Variants in ADAM9 observed in about 807,000 individuals in gnomAD.
The protein encoded by ADAM9 is ADAM metallopeptidase domain 9, also known as disintegrin and metalloproteinase domain-containing protein 9.
ADAM9 carries 54 observed loss-of-function variants against 108.1 expected under a neutral mutation model. That is an observed-to-expected ratio of 0.50 (90% CI 0.40 to 0.63). The LOEUF is 0.63. Among genes scored for constraint, ADAM9 ranks in the 20% least tolerant of loss-of-function variants. ADAM9 has a pLI of 0.00. For missense variants in ADAM9, 830 were observed against 997.7 expected (o/e 0.83, Z 2.26); for synonymous variants, 316 against 336.0 (o/e 0.94, Z 0.65).
chr8:39,004,468 G>A (rs1265928987), intron 1 of ADAM9, among the ~76,000 whole-genome samples: 2 of 152,174 alleles, frequency 1.3e-5, no homozygotes, highest in East Asian at 3.9e-4. Flanking sequence ...TCCTGCCTTG[G>A]CCTCCCAAAG....
intron 16 of ADAM9, among the ~76,000 whole-genome samples, chr8:39,080,274 C>T (rs1838979973): frequency 6.6e-6 from 1 of 152,072 alleles, no homozygotes; most frequent in South Asian, 2.1e-4. Context: ...ACTATTACTT[C>T]CAAACCCCCA....
Position 39,099,572 on chromosome 8 carries a change from A to T in ADAM9, c.2299-2291A>T, listed in dbSNP as rs920110329. On this transcript the variant is annotated intron_variant, in intron 20 of 21. Transcript: ENST00000487273. Reference sequence around the variant, plus strand: ...AACAGGTTGTTTCCAGTCTTATACCATAAAAAAATGTGGCACCAAGCATCC... The same window carrying T: ...AACAGGTTGTTTCCAGTCTTATACCTTAAAAAAATGTGGCACCAAGCATCC... Among the ~76,000 whole-genome samples, 6 of 152,348 alleles carry T rather than the reference A, an allele frequency of 3.9e-5. No homozygotes were observed. In the South Asian group the frequency reaches 1.2e-3, roughly 32 times the overall value.
Position 39,055,736 on chromosome 8 carries a change from T to C in ADAM9, c.1555T>C (p.Tyr519His), listed in dbSNP as rs1464234027. ...CTATTGCTACAACGGCATGTGCCAG[T>C]ATTATGATGCTCAATGTCAAGTCAT... ...KAYCYNGMCQ[Y>H]YDAQCQVIFG... The change falls in exon 14 of 22, where the codon TAT becomes CAT. Residue 519 changes from tyrosine to histidine, a missense_variant. Tyr to His is a moderately conservative substitution (Grantham distance 83). This residue lies in a region of ADAM9 where 381 missense variants were observed against 539.8 expected (regional missense o/e 0.71). Transcript: ENST00000487273. The C allele has an allele frequency of 3.1e-6, 5 of 1,613,542 alleles. No individual in the cohort carries two copies. The highest frequency in any genetic ancestry group is 2.7e-5 in the African/African-American group (2 of 74,928).
At chr8:39,025,937 G>A (rs1012274050) in intron 10 of ADAM9, 53 bp downstream of exon 10, 4 of 1,537,552 alleles carry the variant, frequency 2.6e-6, no homozygotes, top group Non-Finnish European at 3.6e-6. Flanking sequence ...ACAATATCAA[G>A]CATTTATTGA....
At chr8:39,021,512 G>T in intron 7 of ADAM9, 131 bp from the exon 8 acceptor site, 2 of 772,790 alleles carry the variant, frequency 2.6e-6, no homozygotes, top group South Asian at 1.4e-5. Context: ...TCGAACTCCT[G>T]ACCTCAGGTG....
At chr8:39,036,674 T>C (rs1337929837) in intron 11 of ADAM9, among the ~76,000 whole-genome samples, 2 of 152,154 alleles carry the variant, frequency 1.3e-5, no homozygotes, top group African/African-American at 4.8e-5. Context: ...AGATCATTCT[T>C]TTTGTTGCCA....
At chr8:39,090,302 A>G (rs1172972716) in intron 19 of ADAM9, 114 bp downstream of exon 19, 1 of 890,254 alleles carries the variant, frequency 1.1e-6, no homozygotes, top group Non-Finnish European at 1.7e-6. Context: ...CCTTCCAAGT[A>G]GTTGGGATTA....
At chr8:39,047,928 AT>A (rs540972023) in intron 12 of ADAM9, among the ~76,000 whole-genome samples, 105 of 133,066 alleles carry the variant, frequency 7.9e-4, no homozygotes, top group Non-Finnish European at 8.3e-4. Context: ...CTTTCCTTGT[AT>A]TTTTTTTTTT....
intron 10 of ADAM9, among the ~76,000 whole-genome samples, chr8:39,026,275 C>A (rs1291588829): frequency 1.3e-5 from 2 of 152,204 alleles, no homozygotes; most frequent in Non-Finnish European, 2.9e-5. Context: ...TCCCGACAGG[C>A]CCCGGTGTGT....
At chr8:39,056,008 C>T (rs1008717920) in intron 14 of ADAM9, among the ~76,000 whole-genome samples, 3 of 152,092 alleles carry the variant, frequency 2.0e-5, no homozygotes, top group Non-Finnish European at 2.9e-5. Flanking sequence ...CGCACACACA[C>T]AGATACATAT....
intron 18 of ADAM9, among the ~76,000 whole-genome samples, chr8:39,087,470 C>G (rs1839212476): frequency 6.6e-6 from 1 of 152,102 alleles, no homozygotes; most frequent in Admixed American, 6.5e-5. Flanking sequence ...TAGCTGTTTT[C>G]TAATTATTTG....
chr8:39,061,848 C>A (rs966297517), intron 14 of ADAM9, among the ~76,000 whole-genome samples: 7 of 152,108 alleles, frequency 4.6e-5, no homozygotes, highest in African/African-American at 1.4e-4. Flanking sequence ...AATTAAATTT[C>A]AACATGAATT....
chr8:39,035,037 C>T (rs1837224746), intron 11 of ADAM9, among the ~76,000 whole-genome samples: 1 of 152,180 alleles, frequency 6.6e-6, no homozygotes, highest in South Asian at 2.1e-4. Flanking sequence ...GGTGTCTGCA[C>T]ATTTGCTGTC....
At chr8:39,088,620 T>G (rs1839250068) in intron 18 of ADAM9, among the ~76,000 whole-genome samples, 1 of 152,094 alleles carries the variant, frequency 6.6e-6, no homozygotes, top group South Asian at 2.1e-4. Flanking sequence ...ATGAATCAGT[T>G]TACCACTCCC....
At chr8:39,064,645 C>G (rs1838399605) in intron 14 of ADAM9, among the ~76,000 whole-genome samples, 1 of 152,168 alleles carries the variant, frequency 6.6e-6, no homozygotes, top group Non-Finnish European at 1.5e-5. Context: ...CATTGGCTCT[C>G]TCCCTTTTGA....
intron 12 of ADAM9, among the ~76,000 whole-genome samples, chr8:39,043,442 T>G (rs976951214): frequency 2.6e-5 from 4 of 152,146 alleles, no homozygotes; most frequent in African/African-American, 9.7e-5. Flanking sequence ...ACTTGTTGTC[T>G]TTTGTTTTTT....
At chr8:39,018,689 A>G (rs946859971) in intron 6 of ADAM9, 164 bp from the exon 7 acceptor site, 14 of 688,492 alleles carry the variant, frequency 2.0e-5, no homozygotes, top group South Asian at 1.2e-4. Flanking sequence ...TAAGAAGCAG[A>G]TAACACTTCA....
chr8:39,016,025 C>T lies in ADAM9; in HGVS notation c.334-93C>T, dbSNP rs551229487. 2.4e-4 allele frequency: 271 copies of T among 1,150,316 alleles called. No homozygotes were observed. In the African/African-American group the frequency reaches 3.5e-3, roughly 15 times the overall value. The allele number at this position is 1,150,316 out of a possible 1,614,324, so 71.3% of individuals were successfully genotyped here. On this transcript the variant is annotated intron_variant, in intron 4 of 21. Transcript: ENST00000487273. ...AAAACTTTGTTATTATTAAACTTGA[C>T]TGGCCTAAAGTAATTTTGTTAGCTC...
intron 13 of ADAM9, 145 bp from the exon 14 acceptor site, chr8:39,055,432 A>G: frequency 6.4e-6 from 5 of 778,326 alleles, no homozygotes; most frequent in Non-Finnish European, 8.5e-6. Flanking sequence ...ACCTGTTGTT[A>G]GCCATTGTTC....
Sources: gnomAD v4.1 joint callset for allele counts (sites outside exome capture counted in the v4.1 genomes callset) on GRCh38, gnomAD v4.1.1 for gene constraint, gnomAD v4.1.1 regional missense constraint, MANE v1.5 for transcripts, NCBI Gene and HGNC (gene_info 2026-07-23, HGNC 2026-07-21) for gene names.